Variants in SSBP3 observed in about 807,000 individuals in gnomAD.
The protein encoded by SSBP3 is single-stranded DNA-binding protein 3.
SSBP3 carries 5 observed loss-of-function variants against 69.6 expected under a neutral mutation model. That is an observed-to-expected ratio of 0.07 (90% confidence interval 0.04 to 0.15). The LOEUF is 0.15. Ranked by LOEUF, SSBP3 falls within the 10% of genes least tolerant of loss-of-function variation. The pLI, the probability that SSBP3 is intolerant of heterozygous loss-of-function variation, is 1.00. For missense variants in SSBP3, 312 were observed against 534.0 expected (o/e 0.58, Z 4.10); for synonymous variants, 196 against 193.4 (o/e 1.01, Z -0.11).
At chr1:54,242,990 G>A (rs1175612054) in intron 10 of SSBP3, 1 of 509,010 alleles carries the variant, frequency 2.0e-6, no homozygotes, top group Non-Finnish European at 3.5e-6. Context: ...CGCGTCATAG[G>A]GTAATCATGA....
intron 4 of SSBP3, among the ~76,000 whole-genome samples, chr1:54,299,124 G>A (rs1256800120): frequency 6.6e-6 from 1 of 152,022 alleles, no homozygotes; most frequent in Non-Finnish European, 1.5e-5. Context: ...GAAGAGACAG[G>A]ACTCTGTGCA....
intron 4 of SSBP3, among the ~76,000 whole-genome samples, chr1:54,289,007 T>C (rs112769169): frequency 8.7e-6 from 1 of 115,148 alleles, no homozygotes; most frequent in Non-Finnish European, 1.6e-5. Flanking sequence ...GCGACAGAGC[T>C]AGACTCTGTC....
chr1:54,299,857 C>A (rs917255523), intron 4 of SSBP3, among the ~76,000 whole-genome samples: 1 of 152,238 alleles, frequency 6.6e-6, no homozygotes, highest in Admixed American at 6.5e-5. Context: ...CCTTGCCACA[C>A]ACCAGCTCAG....
At chr1:54,375,021 C>T (rs1647194626) in intron 4 of SSBP3, among the ~76,000 whole-genome samples, 1 of 152,138 alleles carries the variant, frequency 6.6e-6, no homozygotes, top group South Asian at 2.1e-4. Flanking sequence ...GTAACCTTAT[C>T]CTGGGGCAAG....
At chr1:54,257,259 C>T in intron 6 of SSBP3, 73 bp from the exon 7 acceptor site, 2 of 1,324,170 alleles carry the variant, frequency 1.5e-6, no homozygotes, top group South Asian at 1.5e-5. Context: ...GCTCTCCACT[C>T]CACAAAGTCC....
intron 14 of SSBP3, 84 bp from the exon 15 acceptor site, chr1:54,228,910 G>A (rs1644334496): frequency 7.1e-7 from 1 of 1,418,356 alleles, no homozygotes; most frequent in African/African-American, 1.4e-5. Context: ...AGCCACGCTT[G>A]AGTCCTGGCC....
chr1:54,313,020 C>A (rs1039054589), intron 4 of SSBP3, among the ~76,000 whole-genome samples: 42 of 121,360 alleles, frequency 3.5e-4, no homozygotes, highest in African/African-American at 1.3e-3. Flanking sequence ...GTGCCTGGAG[C>A]TTTTTTTTTT....
At chr1:54,404,716 G>A (rs878929427) in intron 2 of SSBP3, 79 bp from the exon 3 acceptor site, 40 of 1,520,688 alleles carry the variant, frequency 2.6e-5, no homozygotes, top group South Asian at 1.0e-4. Flanking sequence ...AAAAGGCTAG[G>A]AAGACCAACT....
upstream of SSBP3, among the ~76,000 whole-genome samples, chr1:54,409,790 T>C (rs1649940440): frequency 1.3e-5 from 2 of 152,196 alleles, no homozygotes; most frequent in Admixed American, 6.5e-5. Context: ...TAGGACCTGC[T>C]TATTGAACGC....
chr1:54,327,697 C>T (rs975258041), intron 4 of SSBP3, among the ~76,000 whole-genome samples: 3 of 152,046 alleles, frequency 2.0e-5, no homozygotes, highest in African/African-American at 7.2e-5. Flanking sequence ...ACAATTATGA[C>T]GTTATAATAA....
At chr1:54,391,419 G>A (rs371426281) in intron 4 of SSBP3, among the ~76,000 whole-genome samples, 1 of 152,184 alleles carries the variant, frequency 6.6e-6, no homozygotes, top group East Asian at 1.9e-4. Context: ...GGCAGGCAGC[G>A]GGCAATAACT....
intron 4 of SSBP3, among the ~76,000 whole-genome samples, chr1:54,353,544 A>G (rs1646817022): frequency 6.6e-6 from 1 of 152,180 alleles, no homozygotes; most frequent in African/African-American, 2.4e-5. Flanking sequence ...GATTTCTCCC[A>G]GAAGGGGAAT....
chr1:54,406,036 T>TCGCCGCCGC lies in SSBP3; in HGVS notation c.-37_-29dup, dbSNP rs759612820. The TCGCCGCCGC allele has an allele frequency of 1.3e-3, 1,765 of 1,327,732 alleles. 15 individuals carry two copies. Among genetic ancestry groups the TCGCCGCCGC allele is most frequent in the Admixed American group, 4.6e-3 (165 of 35,688 alleles). 82.2% of individuals were successfully genotyped at this position (1,327,732 alleles called of 1,614,324 possible). On this transcript the variant is annotated 5_prime_UTR_variant, in exon 1 of 18. Transcript: ENST00000610401. ...TTTGCAGGGAAGAGGGCGCCGAGCCTCGCCGCCGCCGCCGCCGCCGCCGCT... is the reference window on the plus strand; with the variant it reads ...TTTGCAGGGAAGAGGGCGCCGAGCCTCGCCGCCGCCGCCGCCGCCGCCGCCGCCGCCGCT...
At chr1:54,268,391 C>T (rs1237128658) in intron 5 of SSBP3, among the ~76,000 whole-genome samples, 4 of 152,244 alleles carry the variant, frequency 2.6e-5, no homozygotes, top group African/African-American at 9.6e-5. Flanking sequence ...AAGGCACTGC[C>T]TCATCCACCC....
chr1:54,228,171 AG>A, intron 17 of SSBP3, 83 bp downstream of exon 17: 1 of 1,272,378 alleles, frequency 7.9e-7, no homozygotes, highest in Middle Eastern at 2.6e-4. Context: ...GGCAGGCTGC[AG>A]CCCGGCTCCG....
At chr1:54,307,536 G>C (rs1427162546) in intron 4 of SSBP3, among the ~76,000 whole-genome samples, 1 of 152,186 alleles carries the variant, frequency 6.6e-6, no homozygotes, top group Non-Finnish European at 1.5e-5. Flanking sequence ...TATCCGTCAG[G>C]GGTGTGTGAA....
At chr1:54,356,422 C>T (rs1335135404) in intron 4 of SSBP3, 1 of 152,248 alleles carries the variant, frequency 6.6e-6, no homozygotes, top group African/African-American at 2.4e-5. Flanking sequence ...CACCTGGCAA[C>T]TCCCAAGCGC....
intron 4 of SSBP3, among the ~76,000 whole-genome samples, chr1:54,306,186 G>A (rs564226340): frequency 4.6e-5 from 7 of 152,070 alleles, no homozygotes; most frequent in African/African-American, 7.2e-5. Context: ...CAGTCTTGCC[G>A]GCAGCACAGC....
rs201351601 is a variant in SSBP3 at position 54,289,023 on chromosome 1, AAAAAAAAAAAAAAC to A, written c.277-7510_277-7497del. 9.6e-4 allele frequency among the ~76,000 whole-genome samples: 82 copies of A among 85,592 alleles called. 1 individual carries two copies. The highest frequency in any genetic ancestry group is 0.011 in the Middle Eastern group (2 of 184). 56.2% of individuals were successfully genotyped at this position (85,592 alleles called of 152,430 possible). A position where few individuals can be genotyped will look rare whatever the true frequency, so the allele number is the denominator to read the frequency against. On this transcript the variant is annotated intron_variant, in intron 4 of 17. Coordinates refer to ENST00000610401, the Ensembl canonical transcript of SSBP3. ...CGACAGAGCTAGACTCTGTCTCCAA[AAAAAAAAAAAAAAC>A]AAAAAAACAAAAAAAAAAAACAGTA...
Sources: allele counts gnomAD v4.1 joint callset (sites outside exome capture counted in the v4.1 genomes callset), GRCh38; gene constraint gnomAD v4.1.1; transcripts MANE v1.5; gene names NCBI Gene and HGNC (gene_info 2026-07-23, HGNC 2026-07-21).